The following PACRG variants were observed in gnomAD, a reference collection of about 807,000 sequenced individuals.
PACRG encodes the protein parkin coregulated gene protein.
Under a neutral mutation model 29.7 loss-of-function variants are expected in PACRG, and 29 were observed. The observed-to-expected ratio is 0.98, with a 90% CI of 0.73 to 1.33. PACRG has a LOEUF of 1.33. Ranked by LOEUF, PACRG falls within the 40% of genes most tolerant of loss-of-function variation. The pLI, the probability that PACRG is intolerant of heterozygous loss-of-function variation, is 0.00. For synonymous variants in PACRG, 116 were observed against 118.7 expected (o/e 0.98, Z 0.15); for missense variants, 279 against 316.2 (o/e 0.88, Z 0.89).
At chr6:163,295,135 A>G (rs1312124651) in intron 4 of PACRG, among the ~76,000 whole-genome samples, 2 of 152,224 alleles carry the variant, frequency 1.3e-5, no homozygotes, top group Non-Finnish European at 2.9e-5. Context: ...TGAAATTGAC[A>G]TTTTTTAGCC....
chr6:163,077,502 C>T (rs1160783016), intron 3 of PACRG, among the ~76,000 whole-genome samples: 1 of 151,818 alleles, frequency 6.6e-6, no homozygotes, highest in African/African-American at 2.4e-5. Flanking sequence ...AAAACACCAC[C>T]GAGTAAGAAT....
At chr6:163,137,825 C>G (rs1816997645) in intron 4 of PACRG, among the ~76,000 whole-genome samples, 1 of 152,270 alleles carries the variant, frequency 6.6e-6, no homozygotes, top group Non-Finnish European at 1.5e-5. Context: ...ACAGCCCGGC[C>G]TGGCGCCACC....
chr6:162,779,212 C>T (rs1304906718), intron 1 of PACRG, among the ~76,000 whole-genome samples: 2 of 152,232 alleles, frequency 1.3e-5, no homozygotes, highest in South Asian at 2.1e-4. Flanking sequence ...GACATACTCT[C>T]ATTCCTTTTT....
At chr6:163,017,146 T>A (rs1225759992) in intron 2 of PACRG, among the ~76,000 whole-genome samples, 2 of 152,082 alleles carry the variant, frequency 1.3e-5, no homozygotes, top group Non-Finnish European at 2.9e-5. Flanking sequence ...AACTGTAAAA[T>A]AAGATGGAAA....
At chr6:163,242,870 ATGAGT>A (rs1782553168) in intron 4 of PACRG, among the ~76,000 whole-genome samples, 1 of 152,206 alleles carries the variant, frequency 6.6e-6, no homozygotes, top group Admixed American at 6.5e-5. Flanking sequence ...TTGTGTCCAA[ATGAGT>A]TGAGATCTAA....
intron 2 of PACRG, among the ~76,000 whole-genome samples, chr6:162,937,743 A>T (rs1798336526): frequency 1.3e-5 from 2 of 152,154 alleles, no homozygotes; most frequent in South Asian, 4.1e-4. Flanking sequence ...ATGTGGTAGC[A>T]TCCCTGTAAC....
intron 4 of PACRG, among the ~76,000 whole-genome samples, chr6:163,182,092 C>G (rs1240051405): frequency 6.6e-6 from 1 of 152,176 alleles, no homozygotes; most frequent in Non-Finnish European, 1.5e-5. Context: ...TAGGGCTTAA[C>G]CTACTTAGTT....
chr6:163,180,631 A>G (rs1779609106), intron 4 of PACRG, among the ~76,000 whole-genome samples: 1 of 152,150 alleles, frequency 6.6e-6, no homozygotes, highest in Non-Finnish European at 1.5e-5. Context: ...TCTCAAAAAA[A>G]ATAAAAATAA....
intron 2 of PACRG, chr6:163,051,347 G>A (rs966617185): frequency 6.6e-6 from 1 of 151,688 alleles, no homozygotes; most frequent in Non-Finnish European, 1.5e-5. Context: ...TTTTCATTGC[G>A]AGCTCATCTA....
intron 1 of PACRG, among the ~76,000 whole-genome samples, chr6:162,790,578 A>C (rs541375877): frequency 6.6e-6 from 1 of 152,234 alleles, no homozygotes; most frequent in Non-Finnish European, 1.5e-5. Context: ...CTTACCTCAT[A>C]AATCAATATT....
At position 162,753,490 on chromosome 6, in the gene PACRG, C is replaced by A. The variant is rs544552392; in HGVS notation, c.156+25099C>A. ...TTTAATTTATATCGCAATTTTTTAT[C>A]CATTTGTCCATTGATGAACACTTAG... On this transcript the variant is annotated intron_variant, in intron 1 of 4. Transcript: ENST00000366888. 1.3e-4 allele frequency among the ~76,000 whole-genome samples: 20 copies of A among 152,238 alleles called. No individual in the cohort carries two copies. In the South Asian group the frequency reaches 4.1e-3, roughly 32 times the overall value.
chr6:162,881,748 G>T (rs753741877), intron 2 of PACRG, among the ~76,000 whole-genome samples: 2 of 150,478 alleles, frequency 1.3e-5, no homozygotes, highest in Non-Finnish European at 3.0e-5. Context: ...AGACAGTGGG[G>T]TGCTCTCCAC....
chr6:163,136,435 AT>A (rs1209301957), intron 4 of PACRG, among the ~76,000 whole-genome samples: 3 of 152,192 alleles, frequency 2.0e-5, no homozygotes, highest in Non-Finnish European at 4.4e-5. Context: ...ATTTTTTGGA[AT>A]TGCTTAGATT....
At chr6:162,954,482 G>T (rs1194460154) in intron 2 of PACRG, among the ~76,000 whole-genome samples, 1 of 151,070 alleles carries the variant, frequency 6.6e-6, no homozygotes, top group Non-Finnish European at 1.5e-5. Context: ...TTTAGAATTG[G>T]TTGCTCTAAA....
intron 4 of PACRG, among the ~76,000 whole-genome samples, chr6:163,160,695 C>T (rs573522036): frequency 6.6e-6 from 1 of 152,230 alleles, no homozygotes; most frequent in African/African-American, 2.4e-5. Context: ...TATTTTGCCC[C>T]CATAACTCAG....
intron 2 of PACRG, among the ~76,000 whole-genome samples, chr6:162,982,792 G>C (rs1310769827): frequency 6.6e-6 from 1 of 152,022 alleles, no homozygotes; most frequent in African/African-American, 2.4e-5. Context: ...TTGTTGGGTA[G>C]AATGTTCTAT....
intron 2 of PACRG, among the ~76,000 whole-genome samples, chr6:162,886,348 C>T (rs1794332523): frequency 6.6e-6 from 1 of 152,200 alleles, no homozygotes; most frequent in African/African-American, 2.4e-5. Context: ...TTCTCATCAT[C>T]CATCTCCTTC....
At chr6:162,911,308 T>C (rs929301339) in intron 2 of PACRG, among the ~76,000 whole-genome samples, 2 of 152,208 alleles carry the variant, frequency 1.3e-5, no homozygotes, top group Non-Finnish European at 2.9e-5. Context: ...TTACCACAAG[T>C]GTTTTGAAAG....
intron 4 of PACRG, among the ~76,000 whole-genome samples, chr6:163,193,316 A>G (rs1056524201): frequency 2.0e-5 from 3 of 152,194 alleles, no homozygotes; most frequent in Admixed American, 2.0e-4. Context: ...CAGTCTTTCA[A>G]ATATCCAGAG....
Sources: gnomAD v4.1 joint callset for allele counts (sites outside exome capture counted in the v4.1 genomes callset) on GRCh38, gnomAD v4.1.1 for gene constraint, MANE v1.5 for transcripts, NCBI Gene and HGNC (gene_info 2026-07-23, HGNC 2026-07-21) for gene names.